PPP2R5B: variants seen among roughly 807,000 people sequenced by gnomAD.
The protein encoded by PPP2R5B is serine/threonine-protein phosphatase 2A 56 kDa regulatory subunit beta isoform.
PPP2R5B carries 19 observed loss-of-function variants against 59.9 expected under a neutral mutation model. That is an observed-to-expected ratio of 0.32 (90% CI 0.22 to 0.47). The LOEUF (loss-of-function observed/expected upper bound fraction) is 0.47. Among genes scored for constraint, PPP2R5B ranks in the 20% least tolerant of loss-of-function variants. The probability of loss-of-function intolerance (pLI) is 1.00; values close to 1 mark genes in which losing one functional copy is unlikely to be tolerated. For synonymous variants in PPP2R5B, 286 were observed against 260.5 expected (o/e 1.10, Z -0.94); for missense variants, 441 against 640.2 (o/e 0.69, Z 3.36).
chr11:64,927,977 C>T, intron 4 of PPP2R5B, 74 bp downstream of exon 4: 1 of 1,560,150 alleles, frequency 6.4e-7, no homozygotes, highest in South Asian at 1.1e-5. Flanking sequence ...GCCTCCTTAG[C>T]CCCTAGACAG....
intron 13 of PPP2R5B, among the ~76,000 whole-genome samples, chr11:64,933,449 C>T (rs1231554560): frequency 3.3e-5 from 5 of 152,188 alleles, no homozygotes; most frequent in Non-Finnish European, 1.5e-5. Context: ...TGTTCTGACT[C>T]CCTGTAGCTT....
At chr11:64,923,666 C>T (rs879375102), upstream of PPP2R5B, among the ~76,000 whole-genome samples, 2 of 152,192 alleles carry the variant, frequency 1.3e-5, no homozygotes, top group East Asian at 1.9e-4. Context: ...GTCACCAAGA[C>T]CCAAAGCAAG....
At chr11:64,918,758 G>A (rs185844472) in intron 1 of PPP2R5B, among the ~76,000 whole-genome samples, 9 of 152,272 alleles carry the variant, frequency 5.9e-5, no homozygotes, top group African/African-American at 1.9e-4. Context: ...TGAGTAGCTG[G>A]GATTACAGGT....
upstream of PPP2R5B, among the ~76,000 whole-genome samples, chr11:64,923,836 AAG>A (rs773049386): frequency 6.6e-6 from 1 of 152,096 alleles, no homozygotes; most frequent in African/African-American, 2.4e-5. Flanking sequence ...CAGGGCTATA[AAG>A]AGTGTTGGGG....
rs1425492870 is a variant in PPP2R5B, at chr11:64,931,920, G to A, written c.1116+52G>A. 3 of 1,590,858 alleles carry A rather than the reference G, an allele frequency of 1.9e-6. No homozygotes were observed. The highest frequency in any genetic ancestry group is 2.6e-6 in the Non-Finnish European group (3 of 1,169,022). On this transcript the variant is annotated intron_variant, in intron 11 of 13. Coordinates refer to ENST00000164133, the MANE Select transcript of PPP2R5B (RefSeq NM_006244.4). The surrounding 1 kb of genome is among the most constrained non-coding windows in gnomAD (Gnocchi z 5.0). ...GAGCAGGGCTGGCCTGGAAAGGTTG[G>A]GTAGCTGACCTAATAAAGCTCCCTT...
chr11:64,928,529 C>T (rs1164928068), intron 6 of PPP2R5B, 104 bp downstream of exon 6: 2 of 1,538,632 alleles, frequency 1.3e-6, no homozygotes, highest in Non-Finnish European at 1.8e-6. Flanking sequence ...GTAATCCCAG[C>T]ACTTTGGGAG....
chr11:64,927,933 A>G, intron 4 of PPP2R5B, 30 bp downstream of exon 4: 1 of 1,575,392 alleles, frequency 6.3e-7, no homozygotes, highest in Non-Finnish European at 8.7e-7. Flanking sequence ...ACAGAGATCC[A>G]AGTTTCAGAA....
At chr11:64,918,179 C>G (rs981711129) in intron 1 of PPP2R5B, 3 of 152,152 alleles carry the variant, frequency 2.0e-5, no homozygotes, top group East Asian at 3.8e-4. Flanking sequence ...AGTTCTGCCC[C>G]GGGCTGCTTT....
At chr11:64,927,927 A>T (rs1476257902) in intron 4 of PPP2R5B, 24 bp downstream of exon 4, 1 of 1,580,076 alleles carries the variant, frequency 6.3e-7, no homozygotes, top group Non-Finnish European at 8.7e-7. Flanking sequence ...GGGAAGACAG[A>T]GATCCAAGTT....
At chr11:64,926,936 G>A in intron 3 of PPP2R5B, 28 bp downstream of exon 3, 1 of 1,605,494 alleles carries the variant, frequency 6.2e-7, no homozygotes. Flanking sequence ...AGGCTCCGAG[G>A]GCCGGCCGAG....
At chr11:64,927,199 A>G (rs1490825789) in intron 3 of PPP2R5B, among the ~76,000 whole-genome samples, 1 of 152,198 alleles carries the variant, frequency 6.6e-6, no homozygotes, top group East Asian at 1.9e-4. Flanking sequence ...GCCGCTGTCA[A>G]TAACCAAGCT....
chr11:64,925,702 G>A lies in PPP2R5B; in HGVS notation c.-33G>A, dbSNP rs201468641. On this transcript the variant is annotated 5_prime_UTR_variant, in exon 2 of 14. Transcript: ENST00000164133. This position sits in a 1 kb window ranked among gnomAD's most constrained non-coding sequence, Gnocchi z 4.6. ...TCCCAGGCCCAGAGAGAACCCCCGG[G>A]GCTCTGAAAGCTTGCCCTGCCGCCT... 2.7e-4 allele frequency: 393 copies of A among 1,436,210 alleles called. 1 individual carries two copies. The highest frequency in any genetic ancestry group is 7.1e-4 in the Admixed American group (39 of 55,206). The allele number at this position is 1,436,210 out of a possible 1,614,324, so 89.0% of individuals were successfully genotyped here.
In PPP2R5B at chr11:64,931,898, C is replaced by T. The variant is rs1312531085; in HGVS notation, c.1116+30C>T. 1 of 1,606,996 alleles carries T rather than the reference C, an allele frequency of 6.2e-7. No individual in the cohort carries two copies. Among genetic ancestry groups the T allele is most frequent in the Admixed American group, 1.7e-5 (1 of 58,874 alleles). On this transcript the variant is annotated intron_variant, in intron 11 of 13. Coordinates refer to ENST00000164133, the MANE Select transcript of PPP2R5B (RefSeq NM_006244.4). The surrounding 1 kb of genome is among the most constrained non-coding windows in gnomAD (Gnocchi z 5.0). ...GAGGCAGGACAGGCGGGGATGGGAG[C>T]AGGGCTGGCCTGGAAAGGTTGGGTA...
At chr11:64,928,222 G>T (rs1945189436) in intron 5 of PPP2R5B, 64 bp downstream of exon 5, 1 of 1,613,358 alleles carries the variant, frequency 6.2e-7, no homozygotes, top group East Asian at 2.2e-5. Flanking sequence ...GAGGGGCCAG[G>T]GATAGGATGG....
intron 6 of PPP2R5B, 121 bp downstream of exon 6, chr11:64,928,546 G>T: frequency 4.8e-6 from 7 of 1,460,124 alleles, no homozygotes; most frequent in Non-Finnish European, 6.5e-6. Flanking sequence ...GGAGGCCGAG[G>T]TGGGTGGATC....
chr11:64,922,222 C>T (rs1208180369), upstream of PPP2R5B, among the ~76,000 whole-genome samples: 1 of 151,958 alleles, frequency 6.6e-6, no homozygotes, highest in Non-Finnish European at 1.5e-5. Flanking sequence ...CAATGGCTCA[C>T]TCCTGTAATC....
chr11:64,920,749 C>A (rs941591202), upstream of PPP2R5B, among the ~76,000 whole-genome samples: 1 of 151,480 alleles, frequency 6.6e-6, no homozygotes, highest in East Asian at 1.9e-4. Context: ...CCTGCCTCAG[C>A]TTCCTGAGTA....
At chr11:64,928,531 C>T in intron 6 of PPP2R5B, 106 bp downstream of exon 6, 1 of 1,524,058 alleles carries the variant, frequency 6.6e-7, no homozygotes, top group Non-Finnish European at 8.9e-7. Flanking sequence ...AATCCCAGCA[C>T]TTTGGGAGGC....
At chr11:64,930,144 G>A (rs770665028) in intron 6 of PPP2R5B, among the ~76,000 whole-genome samples, 178 bp from the exon 7 acceptor site, 2 of 152,040 alleles carry the variant, frequency 1.3e-5, no homozygotes, top group African/African-American at 4.8e-5. Context: ...ATTTCAGTGT[G>A]GGGGGGCGGG....
Sources: gnomAD v4.1 joint callset for allele counts (sites outside exome capture counted in the v4.1 genomes callset) on GRCh38, gnomAD v4.1.1 for gene constraint, Gnocchi (gnomAD v3.1) non-coding constraint, MANE v1.5 for transcripts, NCBI Gene and HGNC (gene_info 2026-07-23, HGNC 2026-07-21) for gene names.